Variants in UGT3A1 observed in about 807,000 individuals in gnomAD.
UGT3A1 encodes UDP glycosyltransferase family 3 member A1.
Under a neutral mutation model 37.6 loss-of-function variants are expected in UGT3A1, and 40 were observed. The observed-to-expected ratio is 1.06, with a 90% CI of 0.83 to 1.38. The LOEUF (loss-of-function observed/expected upper bound fraction) is 1.38, where lower values mean the gene tolerates loss of function less well. UGT3A1 is among the 40% of genes most tolerant of loss of function. The pLI, the probability that UGT3A1 is intolerant of heterozygous loss-of-function variation, is 0.00. For synonymous variants in UGT3A1, 256 were observed against 232.3 expected (o/e 1.10, Z -0.93); for missense variants, 642 against 634.2 (o/e 1.01, Z -0.13).
At chr5:35,971,469 C>T (rs1323357162) in intron 2 of UGT3A1, among the ~76,000 whole-genome samples, 17 of 90,790 alleles carry the variant, frequency 1.9e-4, no homozygotes, top group Admixed American at 8.6e-4. Context: ...CGCATACACA[C>T]ACACACACAC....
rs367604987 is a variant in UGT3A1, at chr5:35,991,226, C to T, written c.15G>A (p.Arg5=). MVGQ[R]VLLLVAFLLS... Reference sequence around the variant, plus strand: ...GAAGGAAGGCCACTAGAAGCAGCACCCGCTGCCCAACCATGCTCACTTCCA... The same window carrying T: ...GAAGGAAGGCCACTAGAAGCAGCACTCGCTGCCCAACCATGCTCACTTCCA... Residue 5 remains arginine, a synonymous_variant, in exon 1 of 7, where the codon CGG becomes CGA. Transcript: ENST00000274278. 1.9e-6 allele frequency: 3 copies of T among 1,614,128 alleles called. No individual in the cohort carries two copies. The highest frequency in any genetic ancestry group is 4.5e-5 in the East Asian group (2 of 44,888).
intron 6 of UGT3A1, 64 bp downstream of exon 6, chr5:35,955,581 A>G: frequency 1.3e-6 from 2 of 1,565,890 alleles, no homozygotes; most frequent in Non-Finnish European, 1.8e-6. Flanking sequence ...ATACATACAC[A>G]GTATCCCTTG....
At position 35,954,147 on chromosome 5, in the gene UGT3A1, G is replaced by A; in HGVS notation, c.*55C>T. 6.4e-7 allele frequency: 1 copy of A among 1,573,278 alleles called. No homozygotes were observed. On this transcript the variant is annotated 3_prime_UTR_variant, in exon 7 of 7. Transcript: ENST00000274278. The stretch of plus-strand genomic sequence containing the variant: ...GAGGGGTGGCGTGTGCTGGGGTGGG[G>A]AGAACCTTCAAAGGACCAGGGATGC...
chr5:35,982,508 T>C (rs1740567438), intron 2 of UGT3A1, among the ~76,000 whole-genome samples: 1 of 152,244 alleles, frequency 6.6e-6, no homozygotes, highest in South Asian at 2.1e-4. Context: ...TATAGCCCCT[T>C]TGTTTAGGAC....
chr5:35,953,181 C>A lies in UGT3A1; in HGVS notation c.*1021G>T, dbSNP rs1739229748. The stretch of plus-strand genomic sequence containing the variant: ...ACAATCATTTGAAGGTAAAATATTT[C>A]ATGAACACCAGCTATCAGAGAGGTA... On this transcript the variant is annotated 3_prime_UTR_variant, in exon 7 of 7. Transcript: ENST00000274278. The A allele has an allele frequency of 6.6e-6, 1 of 152,280 alleles. No individual in the cohort carries two copies. The allele number at this position is 152,280 out of a possible 1,614,324, so 9.4% of individuals were successfully genotyped here.
intron 2 of UGT3A1, among the ~76,000 whole-genome samples, chr5:35,969,942 A>G (rs1739967026): frequency 6.6e-6 from 1 of 152,204 alleles, no homozygotes; most frequent in South Asian, 2.1e-4. Context: ...TGGATAATTT[A>G]TAGAGGAAAA....
Position 35,965,362 on chromosome 5 carries a change from A to G in UGT3A1, c.843+24T>C, listed in dbSNP as rs780500322. ...CCCAAGGACTCTATGTGAATCCCAA[A>G]CTGAATGCTGAGGGTTCACTTACTT... On this transcript the variant is annotated intron_variant, in intron 4 of 6. Transcript: ENST00000274278. 6.8e-6 allele frequency: 11 copies of G among 1,605,924 alleles called. No homozygotes were observed. In the Admixed American group the frequency reaches 1.8e-4, roughly 27 times the overall value.
At position 35,991,150 on chromosome 5, in the gene UGT3A1, G is replaced by C. The variant is rs745456757; in HGVS notation, c.91C>G (p.Leu31Val). 12 of 1,614,238 alleles carry C rather than the reference G, an allele frequency of 7.4e-6. No individual in the cohort carries two copies. The highest frequency in any genetic ancestry group is 1.7e-5 in the Admixed American group (1 of 60,022). Residue 31 changes from leucine to valine, a missense_variant, in exon 1 of 7, where the codon CTG (leucine) becomes GTG (valine). Physicochemically the swap from Leu to Val is conservative, Grantham distance 32 (BLOSUM62 1). Coordinates refer to ENST00000274278, the MANE Select transcript of UGT3A1 (RefSeq NM_152404.4). ...AATTCTCCGGCCAAGCACTCACCCA[G>C]TGTAGATATTGTCAGGATTTTGGCA... ...EAAKILTIST[L>V]GGSHYLLLDR...
chr5:35,954,414 G>T lies in UGT3A1; in HGVS notation c.1360C>A (p.Arg454=), dbSNP rs778238581. ...ATGTGGTCGATCCAGCCCACCAGCC[G>T]CTGTGCGGGGCTCAGGGGCTGAGAG... ...LHSQPLSPAQ[R]LVGWIDHILQ... Residue 454 remains arginine (R), a synonymous_variant, in exon 7 of 7, where the codon CGG becomes AGG. Transcript: ENST00000274278. 3 of 1,614,216 alleles carry T rather than the reference G, an allele frequency of 1.9e-6. 1 individual carries two copies. Among genetic ancestry groups the T allele is most frequent in the South Asian group, 2.2e-5 (2 of 91,086 alleles).
rs149057248 is a variant in UGT3A1 at position 35,955,849 on chromosome 5, C to T, written c.1091G>A (p.Arg364His). ...CTGCCCACCATGAGTGACAAAAAGA[C>T]GGATGCTGGGGTGAGCTGTGGCAAA... Reference protein sequence around the residue: ...QSDLLAHPSIRLFVTHGGQNS... With the variant: ...QSDLLAHPSIHLFVTHGGQNS... The change falls in exon 6 of 7, where the codon CGT becomes CAT. Residue 364 changes from arginine (R) to histidine (H), a missense_variant. Arg to His is a conservative substitution (Grantham distance 29). Coordinates refer to ENST00000274278, the MANE Select transcript of UGT3A1 (RefSeq NM_152404.4). 9.1e-5 allele frequency: 147 copies of T among 1,614,120 alleles called. 2 individuals carry two copies. The African/African-American group carries it at 1.5e-3, about 16-fold the overall frequency.
At chr5:35,961,102 C>A (rs1267605960) in intron 4 of UGT3A1, 4 of 152,238 alleles carry the variant, frequency 2.6e-5, no homozygotes, top group African/African-American at 4.8e-5. Context: ...CCAGAGGTTT[C>A]CAGGCTTGAA....
chr5:35,955,534 T>C, intron 6 of UGT3A1, 111 bp downstream of exon 6: 2 of 1,246,078 alleles, frequency 1.6e-6, no homozygotes, highest in Non-Finnish European at 2.3e-6. Flanking sequence ...ACACATGTTA[T>C]TCCATGTCAC....
chr5:35,973,232 C>T (rs1740123372), intron 2 of UGT3A1, among the ~76,000 whole-genome samples: 1 of 152,124 alleles, frequency 6.6e-6, no homozygotes, highest in African/African-American at 2.4e-5. Flanking sequence ...TTTAGCATCC[C>T]TCTTTATTTT....
chr5:35,989,045 CAGAAATACAGAAGTTACAAGGTGAGTCTA>C (rs1453576269), intron 1 of UGT3A1, among the ~76,000 whole-genome samples: 1 of 152,162 alleles, frequency 6.6e-6, no homozygotes, highest in Admixed American at 6.5e-5. Context: ...CTGTAGGAGA[CAGAAATACAGAAGTTACAAGGTGAGTCTA>C]AGAAACTGCC....
At chr5:35,959,236 T>C (rs762097141) in intron 4 of UGT3A1, among the ~76,000 whole-genome samples, 16 of 152,176 alleles carry the variant, frequency 1.1e-4, no homozygotes, top group Non-Finnish European at 1.5e-4. Context: ...CTGCAAAGAC[T>C]GACAGAAGTA....
At chr5:35,974,168 C>T (rs1051315126) in intron 2 of UGT3A1, among the ~76,000 whole-genome samples, 1 of 152,104 alleles carries the variant, frequency 6.6e-6, no homozygotes, top group Non-Finnish European at 1.5e-5. Flanking sequence ...AAGGAACCTA[C>T]AGCTTTTTAC....
upstream of UGT3A1, chr5:35,991,703 C>G: frequency 1.1e-6 from 1 of 929,856 alleles, no homozygotes. Flanking sequence ...AGTGCCATCT[C>G]CATGCCCCCA....
rs186335530 is a variant in UGT3A1 at position 35,975,358 on chromosome 5, G to T, written c.197-7225C>A. ...CAGGGTAACCTAGTCAGCTATCCAG[G>T]TAGCAGATTGATTACATTGGACCAA... On this transcript the variant is annotated intron_variant, in intron 2 of 6. Coordinates refer to ENST00000274278, the MANE Select transcript of UGT3A1 (RefSeq NM_152404.4). Among the ~76,000 whole-genome samples, 37 of 152,322 alleles carry T rather than the reference G, an allele frequency of 2.4e-4. 1 individual carries two copies. The highest frequency in any genetic ancestry group is 4.4e-5 in the Non-Finnish European group (3 of 68,032).
intron 1 of UGT3A1, among the ~76,000 whole-genome samples, chr5:35,999,166 G>A (rs1741164089): frequency 1.3e-5 from 2 of 149,754 alleles, no homozygotes; most frequent in Non-Finnish European, 3.0e-5. Flanking sequence ...GAATCCAGGA[G>A]GCGGAGCTTG....
Sources: gnomAD v4.1 joint callset for allele counts (sites outside exome capture counted in the v4.1 genomes callset) on GRCh38, gnomAD v4.1.1 for gene constraint, MANE v1.5 for transcripts, NCBI Gene and HGNC (gene_info 2026-07-23, HGNC 2026-07-21) for gene names.